LRRC4C: variants seen among roughly 807,000 people sequenced by gnomAD.
LRRC4C encodes the protein leucine rich repeat containing 4C, also known as leucine-rich repeat-containing protein 4C.
In LRRC4C, 5 loss-of-function variants were observed where a neutral mutation model predicts 33.6. That is an observed-to-expected ratio of 0.15 (90% CI 0.08 to 0.31). The LOEUF is 0.31. LRRC4C is among the 10% of genes least tolerant of loss of function. The pLI, the probability that LRRC4C is intolerant of heterozygous loss-of-function variation, is 1.00. For synonymous variants in LRRC4C, 329 were observed against 302.0 expected (o/e 1.09, Z -0.93); for missense variants, 560 against 796.7 (o/e 0.70, Z 3.58).
At chr11:41,444,845 C>T (rs1036561758) in intron 1 of LRRC4C, among the ~76,000 whole-genome samples, 4 of 151,260 alleles carry the variant, frequency 2.6e-5, no homozygotes, top group African/African-American at 4.9e-5. Context: ...CTCTTGTTGC[C>T]CAGGCTGGAG....
chr11:41,291,310 T>C (rs1248170711), intron 1 of LRRC4C, among the ~76,000 whole-genome samples: 2 of 152,234 alleles, frequency 1.3e-5, no homozygotes, highest in East Asian at 1.9e-4. Context: ...TCAGGGGTAA[T>C]AAATAAAAGC....
At chr11:41,090,852 TC>T (rs1329033784) in intron 1 of LRRC4C, among the ~76,000 whole-genome samples, 1 of 152,132 alleles carries the variant, frequency 6.6e-6, no homozygotes. Flanking sequence ...CCCTTTGCCT[TC>T]CATCATGATT....
chr11:40,286,332 A>G (rs554124431), intron 4 of LRRC4C, among the ~76,000 whole-genome samples: 1 of 152,322 alleles, frequency 6.6e-6, no homozygotes, highest in South Asian at 2.1e-4. Flanking sequence ...GAAACTGCAG[A>G]TAAGAAGGGA....
intron 2 of LRRC4C, among the ~76,000 whole-genome samples, chr11:40,686,582 G>A (rs970095035): frequency 3.3e-5 from 5 of 152,084 alleles, no homozygotes; most frequent in African/African-American, 4.8e-5. Flanking sequence ...AGCTAAAGGA[G>A]GATAGGTGTG....
chr11:40,259,815 C>A (rs1053936698), intron 4 of LRRC4C, among the ~76,000 whole-genome samples: 1 of 144,746 alleles, frequency 6.9e-6, no homozygotes, highest in Non-Finnish European at 1.5e-5. Context: ...GTTACTGTAG[C>A]CTGGCCATCA....
intron 1 of LRRC4C, among the ~76,000 whole-genome samples, chr11:41,338,384 T>C (rs567158330): frequency 6.6e-6 from 1 of 152,170 alleles, no homozygotes; most frequent in African/African-American, 2.4e-5. Flanking sequence ...TGAGATCATG[T>C]CCCTTGCAGG....
chr11:41,328,313 G>T (rs1293206115), intron 1 of LRRC4C, among the ~76,000 whole-genome samples: 2 of 152,174 alleles, frequency 1.3e-5, no homozygotes, highest in Non-Finnish European at 2.9e-5. Flanking sequence ...TTTGAGGTGT[G>T]TCCAAAAGGA....
intron 5 of LRRC4C, among the ~76,000 whole-genome samples, chr11:40,210,939 AT>A (rs112944486): frequency 1.3e-5 from 2 of 150,764 alleles, no homozygotes; most frequent in Admixed American, 6.6e-5. Flanking sequence ...TGCCTGGCTA[AT>A]TTTTTTTTGT....
At chr11:40,328,702 T>A (rs1946210950) in intron 3 of LRRC4C, among the ~76,000 whole-genome samples, 1 of 152,140 alleles carries the variant, frequency 6.6e-6, no homozygotes, top group South Asian at 2.1e-4. Context: ...TTTGTAATTT[T>A]CCCCCAGAGA....
At chr11:40,200,506 T>C (rs1159836952) in intron 5 of LRRC4C, among the ~76,000 whole-genome samples, 1 of 152,046 alleles carries the variant, frequency 6.6e-6, no homozygotes, top group Non-Finnish European at 1.5e-5. Context: ...GTGAAGGTTA[T>C]TCACAAAGGC....
At chr11:40,468,833 C>T (rs901019568) in intron 3 of LRRC4C, among the ~76,000 whole-genome samples, 30 of 152,028 alleles carry the variant, frequency 2.0e-4, no homozygotes, top group Admixed American at 2.0e-3. Flanking sequence ...TTGTTAGAGG[C>T]ATCATTTTGA....
At chr11:40,257,415 G>C (rs1867295123) in intron 4 of LRRC4C, among the ~76,000 whole-genome samples, 1 of 152,010 alleles carries the variant, frequency 6.6e-6, no homozygotes, top group African/African-American at 2.4e-5. Context: ...AGACAGTATT[G>C]ATGCCTAAAA....
chr11:40,660,251 G>A (rs370239692), intron 2 of LRRC4C, among the ~76,000 whole-genome samples: 33 of 152,280 alleles, frequency 2.2e-4, no homozygotes, highest in Middle Eastern at 3.4e-3. Flanking sequence ...ATGCTTGCTC[G>A]CTTACACAAC....
At chr11:41,118,040 C>G (rs1387040542) in intron 1 of LRRC4C, among the ~76,000 whole-genome samples, 2 of 152,058 alleles carry the variant, frequency 1.3e-5, no homozygotes, top group African/African-American at 4.8e-5. Context: ...AATTACTACC[C>G]CTTCAATGGT....
chr11:40,964,019 T>C (rs1214841919), intron 1 of LRRC4C, among the ~76,000 whole-genome samples: 2 of 151,504 alleles, frequency 1.3e-5, no homozygotes, highest in Non-Finnish European at 3.0e-5. Context: ...GACCTCTCTA[T>C]GCCTTGTTTT....
At chr11:40,698,225 C>A (rs1019608614) in intron 2 of LRRC4C, among the ~76,000 whole-genome samples, 1 of 152,024 alleles carries the variant, frequency 6.6e-6, no homozygotes, top group African/African-American at 2.4e-5. Context: ...AAGGAAATGA[C>A]CCCTTTGCCT....
chr11:40,566,655 T>C (rs1198041085), intron 3 of LRRC4C, among the ~76,000 whole-genome samples: 1 of 152,138 alleles, frequency 6.6e-6, no homozygotes, highest in Non-Finnish European at 1.5e-5. Context: ...ATATATTTTG[T>C]TTCCTCTCTT....
chr11:41,150,505 G>A (rs963449170), intron 1 of LRRC4C, among the ~76,000 whole-genome samples: 1 of 151,976 alleles, frequency 6.6e-6, no homozygotes, highest in Non-Finnish European at 1.5e-5. Flanking sequence ...AAAGTAATAT[G>A]ATTTTGCCAG....
intron 3 of LRRC4C, among the ~76,000 whole-genome samples, chr11:40,400,473 C>T (rs1393525891): frequency 2.6e-5 from 4 of 152,018 alleles, no homozygotes; most frequent in Admixed American, 6.6e-5. Context: ...TTATAGTAAT[C>T]ATTATATTTT....
Sources: gnomAD v4.1 joint callset for allele counts (sites outside exome capture counted in the v4.1 genomes callset) on GRCh38, gnomAD v4.1.1 for gene constraint, MANE v1.5 for transcripts, NCBI Gene and HGNC (gene_info 2026-07-23, HGNC 2026-07-21) for gene names.